The following TTC39B variants were observed in gnomAD, a reference collection of about 807,000 sequenced individuals.
The protein encoded by TTC39B is tetratricopeptide repeat protein 39B.
Under a neutral mutation model 96.6 loss-of-function variants are expected in TTC39B, and 92 were observed. That is an observed-to-expected ratio of 0.95 (90% confidence interval 0.80 to 1.13). The LOEUF (loss-of-function observed/expected upper bound fraction) is 1.13, where lower values mean the gene tolerates loss of function less well. TTC39B is among the 50% of genes most tolerant of loss of function. The pLI, the probability that TTC39B is intolerant of heterozygous loss-of-function variation, is 0.00. For synonymous variants in TTC39B, 367 were observed against 299.4 expected, an observed-to-expected ratio of 1.23 and a Z score of -2.33; for missense variants, 955 against 809.3, an observed-to-expected ratio of 1.18 and a Z score of -2.18.
intron 2 of TTC39B, among the ~76,000 whole-genome samples, chr9:15,250,762 T>G (rs1005986076): frequency 6.6e-6 from 1 of 152,236 alleles, no homozygotes; most frequent in Admixed American, 6.5e-5. Flanking sequence ...GCTATACTTT[T>G]TTGGTTTAAA....
chr9:15,164,109 T>C (rs1289115130), exon 20 of TTC39B: 1 of 152,190 alleles, frequency 6.6e-6, no homozygotes, highest in Non-Finnish European at 1.5e-5. Context: ...AATGCCTCCT[T>C]GATCAGCAGA....
intron 7 of TTC39B, among the ~76,000 whole-genome samples, chr9:15,201,961 G>T (rs557571823): frequency 1.2e-4 from 19 of 152,288 alleles, no homozygotes; most frequent in Admixed American, 5.2e-4. Context: ...TGAGCTGAAG[G>T]TAAAAGAAAT....
intron 2 of TTC39B, among the ~76,000 whole-genome samples, chr9:15,231,663 T>C (rs537479415): frequency 1.3e-5 from 2 of 152,314 alleles, no homozygotes; most frequent in South Asian, 2.1e-4. Context: ...AATCAAATCA[T>C]AGATAGCAGA....
intron 3 of TTC39B, among the ~76,000 whole-genome samples, chr9:15,217,931 C>T (rs903354585): frequency 6.6e-6 from 1 of 152,126 alleles, no homozygotes; most frequent in African/African-American, 2.4e-5. Flanking sequence ...CCAGTATAGC[C>T]AGGTGCGGTG....
chr9:15,178,373 G>C (rs1011241173), intron 17 of TTC39B, among the ~76,000 whole-genome samples: 15 of 152,026 alleles, frequency 9.9e-5, no homozygotes, highest in African/African-American at 3.4e-4. Flanking sequence ...AGGAGTTCAG[G>C]ACCAGCCTGG....
chr9:15,227,501 T>C (rs908224864), intron 2 of TTC39B, among the ~76,000 whole-genome samples: 2 of 152,056 alleles, frequency 1.3e-5, no homozygotes, highest in Non-Finnish European at 2.9e-5. Flanking sequence ...CTTACAAGGG[T>C]GGTTAGGTGT....
Position 15,186,939 on chromosome 9 carries a change from C to A in TTC39B, c.1487+5G>T, listed in dbSNP as rs544482139. The A allele has an allele frequency of 6.8e-6, 11 of 1,612,790 alleles. No individual in the cohort carries two copies. In the East Asian group the frequency reaches 2.2e-4, roughly 33 times the overall value. On this transcript the variant is annotated splice_donor_5th_base_variant and intron_variant, in intron 15 of 19. Coordinates refer to ENST00000512701, the Ensembl canonical transcript of TTC39B. ...CCTTTGTTATAGGAATAGTGTCTCA[C>A]ATACCTGAATAAAGTTACCACATTC...
Position 15,232,480 on chromosome 9 carries a change from G to A in TTC39B, c.276-6468C>T, listed in dbSNP as rs1232462753. ...GCACCATGAAAAATCTAAATGTTGTGACATCACCAAAGGGTCACACTAGCT... is the reference window on the plus strand; with the variant it reads ...GCACCATGAAAAATCTAAATGTTGTAACATCACCAAAGGGTCACACTAGCT... On this transcript the variant is annotated intron_variant, in intron 2 of 19. Coordinates refer to ENST00000512701, the Ensembl canonical transcript of TTC39B. 3.9e-5 allele frequency: 6 copies of A among 152,316 alleles called. No homozygotes were observed. The South Asian group carries it at 1.2e-3, about 32-fold the overall frequency. 9.4% of individuals were successfully genotyped at this position (152,316 alleles called of 1,614,324 possible).
intron 16 of TTC39B, chr9:15,183,592 A>C (rs1312985491): frequency 3.8e-6 from 1 of 266,304 alleles, no homozygotes; most frequent in African/African-American, 2.3e-5. Flanking sequence ...TCAAAGCAGG[A>C]TACACTTACG....
intron 6 of TTC39B, among the ~76,000 whole-genome samples, chr9:15,205,720 A>C (rs1819806805): frequency 6.6e-6 from 1 of 152,146 alleles, no homozygotes; most frequent in Admixed American, 6.5e-5. Context: ...TCTGTAACAG[A>C]GTGAGAACCA....
At chr9:15,187,178 C>A in intron 14 of TTC39B, 143 bp from the exon 15 acceptor site, 1 of 575,752 alleles carries the variant, frequency 1.7e-6, no homozygotes, top group East Asian at 3.0e-5. Context: ...CTTATATTCC[C>A]TGTTCAAAAT....
At chr9:15,205,795 G>A (rs1188630967) in intron 6 of TTC39B, among the ~76,000 whole-genome samples, 4 of 152,128 alleles carry the variant, frequency 2.6e-5, no homozygotes, top group African/African-American at 9.7e-5. Context: ...CATGCAGAGG[G>A]GATGAAGTCC....
intron 1 of TTC39B, among the ~76,000 whole-genome samples, chr9:15,284,819 G>C (rs1183361726): frequency 3.3e-5 from 5 of 152,072 alleles, no homozygotes; most frequent in Non-Finnish European, 5.9e-5. Context: ...ATAATTTTAT[G>C]TATTACTATA....
intron 2 of TTC39B, among the ~76,000 whole-genome samples, chr9:15,266,688 A>C (rs1823143065): frequency 6.6e-6 from 1 of 152,030 alleles, no homozygotes; most frequent in Middle Eastern, 3.2e-3. Context: ...CCAAACCCCC[A>C]ATGTGATGGA....
At chr9:15,241,073 T>C (rs1936666064) in intron 2 of TTC39B, among the ~76,000 whole-genome samples, 1 of 152,192 alleles carries the variant, frequency 6.6e-6, no homozygotes, top group Non-Finnish European at 1.5e-5. Context: ...CCAGCCGTGT[T>C]TCCCATCTTT....
exon 14 of TTC39B, chr9:15,188,117 G>T: frequency 5.6e-6 from 9 of 1,603,258 alleles, no homozygotes; most frequent in Non-Finnish European, 7.7e-6. Flanking sequence ...ATGCATTTTT[G>T]AAATACTTCT....
At chr9:15,177,078 G>A (rs1279792864) in intron 18 of TTC39B, among the ~76,000 whole-genome samples, 2 of 152,210 alleles carry the variant, frequency 1.3e-5, no homozygotes, top group African/African-American at 4.8e-5. Context: ...TGTTTACTCA[G>A]CTCTGAATCC....
At chr9:15,228,327 G>A (rs1238366810) in intron 2 of TTC39B, among the ~76,000 whole-genome samples, 1 of 152,148 alleles carries the variant, frequency 6.6e-6, no homozygotes, top group African/African-American at 2.4e-5. Flanking sequence ...AGCCAGGCGT[G>A]GTGGTGGGTG....
chr9:15,196,359 C>T (rs996203817), intron 8 of TTC39B, among the ~76,000 whole-genome samples: 1 of 152,150 alleles, frequency 6.6e-6, no homozygotes, highest in Non-Finnish European at 1.5e-5. Flanking sequence ...AAACAGAAAA[C>T]CTTCTGGAAA....
Sources: gnomAD v4.1 joint callset for allele counts (sites outside exome capture counted in the v4.1 genomes callset) on GRCh38, gnomAD v4.1.1 for gene constraint, MANE v1.5 for transcripts, NCBI Gene and HGNC (gene_info 2026-07-23, HGNC 2026-07-21) for gene names.